MARCHF7: variants seen among roughly 807,000 people sequenced by gnomAD.
MARCHF7 encodes E3 ubiquitin-protein ligase MARCHF7.
In MARCHF7, 20 loss-of-function variants were observed where a neutral mutation model predicts 76.5. The ratio of observed to expected loss-of-function variants is 0.26; its 90% CI spans 0.18 to 0.38. The LOEUF is 0.38. Among genes scored for constraint, MARCHF7 ranks in the 10% least tolerant of loss-of-function variants. The pLI is 1.00. For synonymous variants in MARCHF7, 295 were observed against 293.0 expected, an observed-to-expected ratio of 1.01 and a Z score of -0.07; for missense variants, 797 against 812.9, an observed-to-expected ratio of 0.98 and a Z score of 0.24.
intron 3 of MARCHF7, among the ~76,000 whole-genome samples, chr2:159,722,449 G>A (rs1017636677): frequency 1.3e-5 from 2 of 152,116 alleles, no homozygotes; most frequent in Admixed American, 1.3e-4. Context: ...CTTTTCCTTT[G>A]TAGCACTTAG....
intron 4 of MARCHF7, chr2:159,733,549 T>TTAA (rs367898252): frequency 5.7e-5 from 54 of 945,188 alleles, no homozygotes; most frequent in African/African-American, 5.6e-5. Context: ...GAGGCAACAT[T>TTAA]AAAAAAAAAA....
intron 4 of MARCHF7, chr2:159,733,032 A>G (rs1703005839): frequency 4.9e-6 from 3 of 613,260 alleles, no homozygotes; most frequent in Admixed American, 6.3e-5. Flanking sequence ...GTTACTAATT[A>G]TAATTATTTA....
intron 9 of MARCHF7, among the ~76,000 whole-genome samples, chr2:159,760,213 A>G (rs962255024): frequency 1.1e-4 from 17 of 152,180 alleles, no homozygotes; most frequent in Non-Finnish European, 1.6e-4. Flanking sequence ...TTAATATATG[A>G]TATTTTCTGA....
At chr2:159,730,843 A>T (rs1000813343) in intron 4 of MARCHF7, among the ~76,000 whole-genome samples, 4 of 152,132 alleles carry the variant, frequency 2.6e-5, no homozygotes, top group Non-Finnish European at 5.9e-5. Flanking sequence ...ATGTTTCATG[A>T]CTTACTAGCT....
chr2:159,746,116 G>A lies in MARCHF7; in HGVS notation c.514+179G>A, dbSNP rs1163137939. ...ACCTTAAAAAATAATTTAAAATACA[G>A]TCGATGAATATGAGTATCTAGATTC... On this transcript the variant is annotated intron_variant, in intron 6 of 11. Coordinates refer to ENST00000409175, the MANE Select transcript of MARCHF7 (RefSeq NM_001282805.2). Among the ~76,000 whole-genome samples the A allele has an allele frequency of 2.6e-5, 4 of 152,106 alleles. No homozygotes were observed. In the South Asian group the frequency reaches 6.2e-4, roughly 24 times the overall value.
intron 9 of MARCHF7, among the ~76,000 whole-genome samples, chr2:159,761,860 T>G (rs922285846): frequency 6.6e-6 from 1 of 152,192 alleles, no homozygotes; most frequent in Admixed American, 6.5e-5. Context: ...CAGATTAGAT[T>G]ATTAATAATA....
rs1706726350 is a variant in MARCHF7 at position 159,759,389 on chromosome 2, C to T, written c.1893+54C>T. The T allele has an allele frequency of 1.9e-5, 16 of 849,044 alleles. No homozygotes were observed. In the South Asian group the frequency reaches 2.4e-4, roughly 13 times the overall value. 52.6% of individuals were successfully genotyped at this position (849,044 alleles called of 1,614,324 possible). On this transcript the variant is annotated intron_variant, in intron 9 of 11. Coordinates refer to ENST00000409175, the MANE Select transcript of MARCHF7 (RefSeq NM_001282805.2). ...TGTCTATTCTATGCTTCAAGGACAG[C>T]TCTTGAAGAAAAGATTAAATCATGG...
Position 159,745,783 on chromosome 2 carries a change from G to T in MARCHF7, c.360G>T (p.Arg120Ser). The change falls in exon 6 of 12, where the codon AGG becomes AGT. Residue 120 changes from arginine (R) to serine (S), a missense_variant. Coordinates refer to ENST00000409175, the MANE Select transcript of MARCHF7 (RefSeq NM_001282805.2). Reference protein sequence around the residue: ...GLNTLSDSSWRHSQVPRSSSM... With the variant: ...GLNTLSDSSWSHSQVPRSSSM... The stretch of plus-strand genomic sequence containing the variant: ...ATTTATTTTAAGATTCATCTTGGAG[G>T]CATAGTCAAGTTCCTAGATCTTCAT... The T allele has an allele frequency of 6.2e-7, 1 of 1,600,046 alleles. No individual in the cohort carries two copies. Among genetic ancestry groups the T allele is most frequent in the Non-Finnish European group, 8.5e-7 (1 of 1,175,078 alleles).
intron 8 of MARCHF7, among the ~76,000 whole-genome samples, chr2:159,757,588 A>G (rs1706489730): frequency 6.6e-6 from 1 of 152,202 alleles, no homozygotes; most frequent in African/African-American, 2.4e-5. Flanking sequence ...GGCTGCAGCG[A>G]GCCGTGATCA....
At chr2:159,743,700 G>A (rs1457614475) in intron 5 of MARCHF7, among the ~76,000 whole-genome samples, 3 of 150,518 alleles carry the variant, frequency 2.0e-5, no homozygotes, top group African/African-American at 7.4e-5. Context: ...AGGAGTTTAA[G>A]GCCAGCCTAG....
chr2:159,745,875 A>T lies in MARCHF7; in HGVS notation c.452A>T (p.Asp151Val). 6.2e-7 allele frequency: 1 copy of T among 1,613,082 alleles called. No individual in the cohort carries two copies. The highest frequency in any genetic ancestry group is 1.3e-5 in the African/African-American group (1 of 75,026). Residue 151 changes from aspartate to valine, a missense_variant, in exon 6 of 12, where the codon GAT becomes GTT. Asp to Val is a radical substitution (Grantham distance 152). Coordinates refer to ENST00000409175, the MANE Select transcript of MARCHF7 (RefSeq NM_001282805.2). ...RERRDLERRT[D>V]SSISNLMDYS... ...AGGAGAGATTTGGAGAGAAGAACAG[A>T]TTCCTCTATTAGTAATCTTATGGAT...
At chr2:159,762,320 C>T (rs1707207872) in intron 9 of MARCHF7, among the ~76,000 whole-genome samples, 2 of 152,224 alleles carry the variant, frequency 1.3e-5, no homozygotes, top group South Asian at 4.1e-4. Context: ...TAAATTTCGT[C>T]TCAGTTTCTT....
At chr2:159,727,612 T>C (rs1702324378) in intron 3 of MARCHF7, among the ~76,000 whole-genome samples, 1 of 152,118 alleles carries the variant, frequency 6.6e-6, no homozygotes. Flanking sequence ...TTTTAAATTA[T>C]AGTAGTAACG....
intron 4 of MARCHF7, chr2:159,732,695 T>C (rs1296247549): frequency 4.0e-6 from 1 of 247,200 alleles, no homozygotes; most frequent in African/African-American, 2.3e-5. Context: ...GTGGCTAATT[T>C]TTTAAAAAAT....
chr2:159,767,138 G>C, intron 11 of MARCHF7, 146 bp from the exon 12 acceptor site: 1 of 618,180 alleles, frequency 1.6e-6, no homozygotes. Flanking sequence ...CCCTAACCCT[G>C]TCATACAACT....
intron 3 of MARCHF7, 112 bp from the exon 4 acceptor site, chr2:159,728,897 A>G: frequency 1.8e-6 from 1 of 558,838 alleles, no homozygotes; most frequent in Non-Finnish European, 2.9e-6. Context: ...GTTGTCAGAT[A>G]TGGTTAATTT....
Position 159,748,742 on chromosome 2 carries a change from C to T in MARCHF7, c.1452C>T (p.Phe484=). 6.2e-7 allele frequency: 1 copy of T among 1,614,130 alleles called. No homozygotes were observed. The highest frequency in any genetic ancestry group is 8.5e-7 in the Non-Finnish European group (1 of 1,180,030). Residue 484 remains phenylalanine, a synonymous_variant, in exon 7 of 12, where the codon TTC becomes TTT. Transcript: ENST00000409175. ...CAGGGATTCTTCCTGGTTCCTTATT[C>T]CGGTTTGCAGTCCCTCCAGCACTTG... ...GISGILPGSL[F]RFAVPPALGS...
At position 159,732,083 on chromosome 2, in the gene MARCHF7, G is replaced by A. The variant is rs1004058754; in HGVS notation, c.153+2908G>A. ...CACGCCACTGCACTCTAGCCTGGGC[G>A]ACAGAGCGAGACTCTGTCTCAAAAA... On this transcript the variant is annotated intron_variant, in intron 4 of 11. Coordinates refer to ENST00000409175, the MANE Select transcript of MARCHF7 (RefSeq NM_001282805.2). Among the ~76,000 whole-genome samples, 18 of 151,952 alleles carry A rather than the reference G, an allele frequency of 1.2e-4. No homozygotes were observed. In the East Asian group the frequency reaches 3.3e-3, roughly 28 times the overall value.
At position 159,725,464 on chromosome 2, in the gene MARCHF7, G is replaced by A. The variant is rs1023209978; in HGVS notation, c.-14-3545G>A. On this transcript the variant is annotated intron_variant, in intron 3 of 11. Coordinates refer to ENST00000409175, the MANE Select transcript of MARCHF7 (RefSeq NM_001282805.2). Reference sequence around the variant, plus strand: ...ATGAGCATTTTTTCATGTGTCTGTTGGCTGCATAAATGTCTTCTTTTGAGA... The same window carrying A: ...ATGAGCATTTTTTCATGTGTCTGTTAGCTGCATAAATGTCTTCTTTTGAGA... 7.9e-5 allele frequency among the ~76,000 whole-genome samples: 12 copies of A among 152,184 alleles called. No individual in the cohort carries two copies. In the East Asian group the frequency reaches 1.5e-3, roughly 20 times the overall value.
Sources: allele counts gnomAD v4.1 joint callset (sites outside exome capture counted in the v4.1 genomes callset), GRCh38; gene constraint gnomAD v4.1.1; transcripts MANE v1.5; gene names NCBI Gene and HGNC (gene_info 2026-07-23, HGNC 2026-07-21).